PAK1: variants seen among roughly 807,000 people sequenced by gnomAD.
PAK1 encodes the protein p21 (RAC1) activated kinase 1, also known as serine/threonine-protein kinase PAK 1.
In PAK1, 29 loss-of-function variants were observed where a neutral mutation model predicts 67.4. That is an observed-to-expected ratio of 0.43 (90% CI 0.32 to 0.59). The LOEUF (loss-of-function observed/expected upper bound fraction) is 0.59, where lower values mean the gene tolerates loss of function less well. PAK1 is among the 20% of genes least tolerant of loss of function. The pLI, the probability that PAK1 is intolerant of heterozygous loss-of-function variation, is 0.07. For missense variants in PAK1, 337 were observed against 670.7 expected (o/e 0.50, Z 5.50); for synonymous variants, 223 against 237.4 (o/e 0.94, Z 0.56).
chr11:77,426,075 C>A (rs930069038), intron 1 of PAK1, among the ~76,000 whole-genome samples: 1 of 143,824 alleles, frequency 7.0e-6, no homozygotes, highest in Non-Finnish European at 1.5e-5. Context: ...CAATTGAAGG[C>A]CTCTTTTTTT....
At chr11:77,488,163 C>G in the PAK1 span, among the ~76,000 whole-genome samples, 1 of 152,146 alleles carries the variant, frequency 6.6e-6, no homozygotes, top group South Asian at 2.1e-4. Flanking sequence ...TGCATCTTAT[C>G]GAAGACCACC....
At chr11:77,443,125 C>A (rs550507677) in intron 1 of PAK1, among the ~76,000 whole-genome samples, 2 of 152,060 alleles carry the variant, frequency 1.3e-5, no homozygotes, top group South Asian at 4.1e-4. Flanking sequence ...GAGATCAAGA[C>A]CATCATGGCC....
At chr11:77,323,904 C>T (rs772522939) in intron 14 of PAK1, among the ~76,000 whole-genome samples, 1 of 152,074 alleles carries the variant, frequency 6.6e-6, no homozygotes, top group Non-Finnish European at 1.5e-5. Context: ...TAATAATTAC[C>T]TCTGGGGAAG....
chr11:77,491,233 A>C, the PAK1 span, among the ~76,000 whole-genome samples: 1 of 152,186 alleles, frequency 6.6e-6, no homozygotes, highest in Non-Finnish European at 1.5e-5. Context: ...TGGTAACAGT[A>C]AGTACACAGA....
intron 1 of PAK1, among the ~76,000 whole-genome samples, chr11:77,412,531 T>A (rs1954675932): frequency 6.6e-6 from 1 of 152,046 alleles, no homozygotes; most frequent in Non-Finnish European, 1.5e-5. Context: ...TGGGCTCAAG[T>A]AATCCTCCCA....
intron 1 of PAK1, among the ~76,000 whole-genome samples, chr11:77,417,117 T>C (rs556959861): frequency 6.6e-6 from 1 of 152,372 alleles, no homozygotes; most frequent in South Asian, 2.1e-4. Context: ...CATCATTATG[T>C]GATTATAGTA....
chr11:77,339,642 T>G (rs1943267613), intron 11 of PAK1, among the ~76,000 whole-genome samples: 1 of 152,114 alleles, frequency 6.6e-6, no homozygotes, highest in Non-Finnish European at 1.5e-5. Flanking sequence ...TTATTTTTCT[T>G]AACACTGATT....
At chr11:77,523,341 A>G in the PAK1 span, among the ~76,000 whole-genome samples, 1 of 152,298 alleles carries the variant, frequency 6.6e-6, no homozygotes, top group Admixed American at 6.5e-5. Flanking sequence ...GATATAAATA[A>G]AACAATTTTT....
At chr11:77,478,097 C>G (rs1958079809), upstream of PAK1, among the ~76,000 whole-genome samples, 1 of 152,082 alleles carries the variant, frequency 6.6e-6, no homozygotes, top group Admixed American at 6.6e-5. Context: ...CAGACTAGGA[C>G]AATTGAAACA....
Position 77,441,670 on chromosome 11 carries a change from G to A in PAK1, c.-22+31882C>T, listed in dbSNP as rs1201331309. Among the ~76,000 whole-genome samples, 3 of 152,172 alleles carry A rather than the reference G, an allele frequency of 2.0e-5. No homozygotes were observed. In the East Asian group the frequency reaches 5.8e-4, roughly 29 times the overall value. ...GAGAGAACATGACTTAGGATCACAT[G>A]GTCAGTTAGTGGCAAAGCAAGAACT... On this transcript the variant is annotated intron_variant, in intron 1 of 14. Coordinates refer to ENST00000356341, the MANE Select transcript of PAK1 (RefSeq NM_002576.5).
At chr11:77,367,190 G>C (rs1012699488) in intron 5 of PAK1, among the ~76,000 whole-genome samples, 3 of 152,196 alleles carry the variant, frequency 2.0e-5, no homozygotes, top group African/African-American at 7.2e-5. Context: ...GAGCATGGGA[G>C]TTTGAATGAA....
chr11:77,524,030 T>C, the PAK1 span, among the ~76,000 whole-genome samples: 4 of 152,176 alleles, frequency 2.6e-5, no homozygotes, highest in African/African-American at 4.8e-5. Context: ...AGATGTGCAA[T>C]GTACTGGTAA....
chr11:77,399,826 T>TCCA (rs1223588605), intron 1 of PAK1, among the ~76,000 whole-genome samples: 1 of 102,760 alleles, frequency 9.7e-6, no homozygotes, highest in East Asian at 3.4e-4. Context: ...GCCACTGCAC[T>TCCA]CCAGCCTGGG....
chr11:77,504,949 T>C, the PAK1 span, among the ~76,000 whole-genome samples: 5 of 152,202 alleles, frequency 3.3e-5, no homozygotes, highest in African/African-American at 1.2e-4. Flanking sequence ...AACTGAAGTA[T>C]AGAAAAGTCA....
chr11:77,480,076 T>C, the PAK1 span, among the ~76,000 whole-genome samples: 2 of 152,338 alleles, frequency 1.3e-5, no homozygotes, highest in East Asian at 3.9e-4. Flanking sequence ...GTGTGTTTTG[T>C]AAGTTTCCAT....
the PAK1 span, among the ~76,000 whole-genome samples, chr11:77,494,132 C>T: frequency 6.6e-6 from 1 of 152,052 alleles, no homozygotes; most frequent in Non-Finnish European, 1.5e-5. Flanking sequence ...AGGAGTCTAT[C>T]CTACAAAGAA....
intron 1 of PAK1, among the ~76,000 whole-genome samples, chr11:77,435,494 CTTT>C (rs199613170): frequency 1.4e-5 from 2 of 141,272 alleles, no homozygotes; most frequent in Non-Finnish European, 1.6e-5. Context: ...CATATTTTCT[CTTT>C]TTTTTTTTTT....
chr11:77,457,601 T>C (rs192108505), intron 1 of PAK1, among the ~76,000 whole-genome samples: 19 of 152,230 alleles, frequency 1.2e-4, no homozygotes, highest in Admixed American at 9.8e-4. Flanking sequence ...AAAGCAACAA[T>C]TGGCTGACCT....
At chr11:77,523,509 T>A in the PAK1 span, among the ~76,000 whole-genome samples, 1 of 150,058 alleles carries the variant, frequency 6.7e-6, no homozygotes, top group Non-Finnish European at 1.5e-5. Flanking sequence ...AACCTCCACC[T>A]CCCAGATTCA....
Sources: gnomAD v4.1 joint callset for allele counts (sites outside exome capture counted in the v4.1 genomes callset) on GRCh38, gnomAD v4.1.1 for gene constraint, MANE v1.5 for transcripts, NCBI Gene and HGNC (gene_info 2026-07-23, HGNC 2026-07-21) for gene names.